ZC2HC1A: variants seen among roughly 807,000 people sequenced by gnomAD.
ZC2HC1A encodes the protein zinc finger C2HC-type containing 1A, also known as zinc finger C2HC domain-containing protein 1A.
ZC2HC1A carries 28 observed loss-of-function variants against 40.7 expected under a neutral mutation model. The observed-to-expected ratio is 0.69, with a 90% CI of 0.51 to 0.94. ZC2HC1A has a LOEUF of 0.94. Ranked by LOEUF, ZC2HC1A falls within the 40% of genes least tolerant of loss-of-function variation. The pLI is 0.00. For missense variants in ZC2HC1A, 389 were observed against 386.3 expected (o/e 1.01, Z -0.06); for synonymous variants, 129 against 129.2 (o/e 1.00, Z 0.01).
intron 7 of ZC2HC1A, among the ~76,000 whole-genome samples, chr8:78,706,922 TTTC>T (rs1259841391): frequency 6.6e-6 from 1 of 152,182 alleles, no homozygotes; most frequent in Non-Finnish European, 1.5e-5. Context: ...TTAAGTGATT[TTTC>T]TTATTGTTGT....
intron 1 of ZC2HC1A, among the ~76,000 whole-genome samples, chr8:78,669,872 A>T (rs1375178460): frequency 6.6e-6 from 1 of 151,328 alleles, no homozygotes; most frequent in Non-Finnish European, 1.5e-5. Context: ...TCATCCTTAT[A>T]CTCCTACCTC....
rs138232475 is a variant in ZC2HC1A, at chr8:78,707,061, C to T, written c.705-8160C>T. On this transcript the variant is annotated intron_variant, in intron 7 of 8. Coordinates refer to ENST00000263849, the MANE Select transcript of ZC2HC1A (RefSeq NM_016010.3). ...AACTGATCTGATTTATTTTCTTCTC[C>T]AATGAGTTGACTCATTGGATGATTA... 1.5e-4 allele frequency among the ~76,000 whole-genome samples: 23 copies of T among 152,204 alleles called. 1 individual carries two copies. The highest frequency in any genetic ancestry group is 4.1e-4 in the African/African-American group (17 of 41,522).
intron 7 of ZC2HC1A, among the ~76,000 whole-genome samples, chr8:78,711,709 C>T (rs899861959): frequency 6.6e-6 from 1 of 151,816 alleles, no homozygotes; most frequent in Non-Finnish European, 1.5e-5. Context: ...GTTGTTCTTC[C>T]TAAGTTTCTT....
Position 78,684,456 on chromosome 8 carries a change from C to G in ZC2HC1A, c.211-2011C>G, listed in dbSNP as rs1026902450. Among the ~76,000 whole-genome samples the G allele has an allele frequency of 3.9e-5, 6 of 152,258 alleles. No individual in the cohort carries two copies. In the South Asian group the frequency reaches 8.3e-4, roughly 21 times the overall value. ...ATGGGAGAAACCTGCCCCCGTGATT[C>G]AATTACCTCCTACCGAGTACCCCCA... On this transcript the variant is annotated intron_variant, in intron 3 of 8. Transcript: ENST00000263849.
At position 78,717,124 on chromosome 8, in the gene ZC2HC1A, G is replaced by C. The variant is rs147808240; in HGVS notation, c.813-204G>C. Among the ~76,000 whole-genome samples, 878 of 151,816 alleles carry C rather than the reference G, an allele frequency of 5.8e-3. 8 individuals carry two copies. Among genetic ancestry groups the C allele is most frequent in the African/African-American group, 0.02 (823 of 41,348 alleles). On this transcript the variant is annotated intron_variant, in intron 8 of 8. Coordinates refer to ENST00000263849, the MANE Select transcript of ZC2HC1A (RefSeq NM_016010.3). Reference sequence around the variant, plus strand: ...CTGCATTTGGTCATGGTAAATTCTCGTAACACAGATAAATATAATGTTAAA... The same window carrying C: ...CTGCATTTGGTCATGGTAAATTCTCCTAACACAGATAAATATAATGTTAAA...
intron 1 of ZC2HC1A, among the ~76,000 whole-genome samples, chr8:78,670,451 A>G (rs1166174599): frequency 6.6e-6 from 1 of 152,214 alleles, no homozygotes; most frequent in African/African-American, 2.4e-5. Context: ...GATAAAATAA[A>G]TTTGGGCAAA....
chr8:78,667,670 T>C (rs1280729868), intron 1 of ZC2HC1A, among the ~76,000 whole-genome samples: 1 of 152,160 alleles, frequency 6.6e-6, no homozygotes, highest in African/African-American at 2.4e-5. Flanking sequence ...TAAATGTCTA[T>C]TATGGGCATC....
chr8:78,715,315 A>C lies in ZC2HC1A; in HGVS notation c.799A>C (p.Ser267Arg), dbSNP rs1378579132. The change falls in exon 8 of 9, where the codon AGC (serine) becomes CGC (arginine). Residue 267 changes from serine to arginine, a missense_variant. Ser to Arg is a moderately radical substitution (Grantham distance 110, BLOSUM62 -1). Coordinates refer to ENST00000263849, the MANE Select transcript of ZC2HC1A (RefSeq NM_016010.3). ...AAACAAAAGAAAAACATATACTGAG[A>C]GCTACATAGCCAGGTATGTTTAGCT... ...LTNKRKTYTE[S>R]YIARPDGDCA... 6.2e-7 allele frequency: 1 copy of C among 1,612,948 alleles called. No homozygotes were observed. Among genetic ancestry groups the C allele is most frequent in the South Asian group, 1.1e-5 (1 of 90,820 alleles).
At chr8:78,679,996 A>G (rs898734564) in intron 3 of ZC2HC1A, among the ~76,000 whole-genome samples, 11 of 152,174 alleles carry the variant, frequency 7.2e-5, no homozygotes, top group African/African-American at 2.7e-4. Context: ...AATTGGCTCA[A>G]GAGTCAGACT....
chr8:78,706,779 A>T (rs1047031581), intron 7 of ZC2HC1A, among the ~76,000 whole-genome samples: 2 of 152,154 alleles, frequency 1.3e-5, no homozygotes, highest in African/African-American at 4.8e-5. Context: ...ATATACAAAG[A>T]TATCTGTCAA....
At chr8:78,677,499 T>G (rs1221255716) in intron 2 of ZC2HC1A, among the ~76,000 whole-genome samples, 1 of 152,192 alleles carries the variant, frequency 6.6e-6, no homozygotes, top group Admixed American at 6.5e-5. Context: ...TGTCCTATTA[T>G]TTTGTGTTAA....
At chr8:78,687,907 A>G (rs1167918904) in intron 4 of ZC2HC1A, among the ~76,000 whole-genome samples, 1 of 55,772 alleles carries the variant, frequency 1.8e-5, no homozygotes, top group Non-Finnish European at 4.6e-5. Context: ...ATATATATTT[A>G]TATAAATATA....
At chr8:78,672,793 A>G (rs908781191) in intron 1 of ZC2HC1A, among the ~76,000 whole-genome samples, 9 of 152,166 alleles carry the variant, frequency 5.9e-5, no homozygotes, top group African/African-American at 2.2e-4. Flanking sequence ...CTTACTTCAA[A>G]TTACAGTAAG....
At chr8:78,704,082 C>G (rs1810692005) in intron 7 of ZC2HC1A, among the ~76,000 whole-genome samples, 1 of 152,028 alleles carries the variant, frequency 6.6e-6, no homozygotes, top group South Asian at 2.1e-4. Flanking sequence ...GTTGGAATTT[C>G]TTTTCTTTAA....
intron 3 of ZC2HC1A, among the ~76,000 whole-genome samples, chr8:78,682,506 G>A (rs144487353): frequency 6.0e-4 from 91 of 152,174 alleles, no homozygotes; most frequent in Middle Eastern, 3.4e-3. Context: ...ATCAGATCTC[G>A]CAAGACTTAT....
intron 3 of ZC2HC1A, among the ~76,000 whole-genome samples, chr8:78,683,667 G>T (rs781301392): frequency 6.6e-5 from 10 of 152,084 alleles, no homozygotes; most frequent in African/African-American, 2.4e-4. Context: ...CCTTTGTCTT[G>T]GTGATTAACA....
rs187961342 is a variant in ZC2HC1A, at chr8:78,719,180, T to C, written c.*1687T>C. 214 of 151,920 alleles carry C rather than the reference T, an allele frequency of 1.4e-3. 2 individuals carry two copies. The highest frequency in any genetic ancestry group is 4.9e-3 in the African/African-American group (202 of 41,558). The allele number at this position is 151,920 out of a possible 1,614,324, so 9.4% of individuals were successfully genotyped here. The stretch of plus-strand genomic sequence containing the variant: ...TAAATCACTTCTGTTATAAATCATA[T>C]AAAGAACTTTAAACTTGTTTTATCT... On this transcript the variant is annotated 3_prime_UTR_variant, in exon 9 of 9. Transcript: ENST00000263849.
intron 2 of ZC2HC1A, among the ~76,000 whole-genome samples, chr8:78,677,185 A>C (rs989186124): frequency 1.3e-5 from 2 of 152,156 alleles, no homozygotes; most frequent in African/African-American, 4.8e-5. Flanking sequence ...GTTTGTCAAA[A>C]TACAAAAGAA....
intron 8 of ZC2HC1A, among the ~76,000 whole-genome samples, chr8:78,715,556 T>C (rs926855570): frequency 9.2e-5 from 14 of 152,300 alleles, no homozygotes; most frequent in African/African-American, 3.1e-4. Flanking sequence ...ATGTGATTTA[T>C]GGGAGGAGGT....
Sources: gnomAD v4.1 joint callset for allele counts (sites outside exome capture counted in the v4.1 genomes callset) on GRCh38, gnomAD v4.1.1 for gene constraint, MANE v1.5 for transcripts, NCBI Gene and HGNC (gene_info 2026-07-23, HGNC 2026-07-21) for gene names.